SAMD12: variants seen among roughly 807,000 people sequenced by gnomAD.
SAMD12 encodes the protein sterile alpha motif domain-containing protein 12.
SAMD12 carries 9 observed loss-of-function variants against 15.0 expected under a neutral mutation model. The observed-to-expected ratio is 0.60, with a 90% CI of 0.36 to 1.05. The LOEUF (loss-of-function observed/expected upper bound fraction) is 1.05, where lower values mean the gene tolerates loss of function less well. Among genes scored for constraint, SAMD12 ranks in the 50% least tolerant of loss-of-function variants. The pLI, the probability that SAMD12 is intolerant of heterozygous loss-of-function variation, is 0.01. For missense variants in SAMD12, 230 were observed against 234.2 expected (o/e 0.98, Z 0.12); for synonymous variants, 86 against 90.1 (o/e 0.96, Z 0.25).
At chr8:118,395,911 C>A (rs572166714) in intron 3 of SAMD12, among the ~76,000 whole-genome samples, 2 of 145,622 alleles carry the variant, frequency 1.4e-5, no homozygotes, top group African/African-American at 5.2e-5. Context: ...TGAGTAAGAT[C>A]GCAAGAGCAA....
intron 4 of SAMD12, among the ~76,000 whole-genome samples, chr8:118,318,613 T>C (rs993493924): frequency 6.6e-6 from 1 of 152,016 alleles, no homozygotes; most frequent in Non-Finnish European, 1.5e-5. Context: ...TTGGATACAG[T>C]GTAGTCTACT....
At chr8:118,269,817 C>T (rs1025607632) in intron 4 of SAMD12, among the ~76,000 whole-genome samples, 19 of 151,974 alleles carry the variant, frequency 1.3e-4, no homozygotes, top group South Asian at 2.1e-4. Flanking sequence ...ACACCTGCAC[C>T]CCCCTTCCTT....
intron 2 of SAMD12, among the ~76,000 whole-genome samples, chr8:118,554,702 A>G (rs1168529083): frequency 2.0e-5 from 3 of 152,118 alleles, no homozygotes. Flanking sequence ...CTAAAAAAAA[A>G]AAATCTACAA....
At chr8:118,142,654 T>C in the SAMD12 span, among the ~76,000 whole-genome samples, 1 of 152,228 alleles carries the variant, frequency 6.6e-6, no homozygotes, top group Non-Finnish European at 1.5e-5. Flanking sequence ...TACTCCTACA[T>C]TGGCCCTCAC....
chr8:118,225,349 A>G (rs1308391229), intron 4 of SAMD12, among the ~76,000 whole-genome samples: 1 of 152,090 alleles, frequency 6.6e-6, no homozygotes, highest in South Asian at 2.1e-4. Flanking sequence ...CTCTGAATAC[A>G]ATGCTGTTGT....
intron 3 of SAMD12, among the ~76,000 whole-genome samples, chr8:118,399,360 CT>C (rs1224848535): frequency 1.3e-5 from 2 of 152,166 alleles, no homozygotes; most frequent in Admixed American, 6.6e-5. Flanking sequence ...TGTGGTGACA[CT>C]TAGATCCTCC....
intron 4 of SAMD12, among the ~76,000 whole-genome samples, chr8:118,321,046 G>A (rs35812722): frequency 0.48 from 68,479 of 143,146 alleles, 18,305 homozygotes; most frequent in African/African-American, 0.74. Flanking sequence ...CCCTACATTT[G>A]TAATAAAAAG....
At chr8:118,170,919 T>A in the SAMD12 span, among the ~76,000 whole-genome samples, 133 of 152,280 alleles carry the variant, frequency 8.7e-4, no homozygotes, top group African/African-American at 3.1e-3. Flanking sequence ...TATCTGCAAA[T>A]CTTATATCTG....
intron 2 of SAMD12, among the ~76,000 whole-genome samples, chr8:118,510,406 A>G (rs1166258956): frequency 3.9e-5 from 6 of 152,170 alleles, no homozygotes; most frequent in Non-Finnish European, 5.9e-5. Flanking sequence ...CGGGACCACA[A>G]TAATTTTTAA....
Position 118,406,017 on chromosome 8 carries a change from T to C in SAMD12, c.323-26317A>G, listed in dbSNP as rs370408691. Among the ~76,000 whole-genome samples, 89 of 152,202 alleles carry C rather than the reference T, an allele frequency of 5.8e-4. 1 individual carries two copies. Among genetic ancestry groups the C allele is most frequent in the African/African-American group, 2.0e-3 (82 of 41,522 alleles). On this transcript the variant is annotated intron_variant, in intron 3 of 3. Transcript: ENST00000314727. Reference sequence around the variant, plus strand: ...TTTTCCACAGAAGAATACAGCAAGGTTCAATGACAACAGGAGGCTGAGAAA... The same window carrying C: ...TTTTCCACAGAAGAATACAGCAAGGCTCAATGACAACAGGAGGCTGAGAAA...
At chr8:118,328,243 G>T (rs1472729023) in intron 4 of SAMD12, among the ~76,000 whole-genome samples, 1 of 152,022 alleles carries the variant, frequency 6.6e-6, no homozygotes, top group Non-Finnish European at 1.5e-5. Context: ...CCCATCTTGG[G>T]CCTTCCTTAC....
In SAMD12 at chr8:118,447,251, T is replaced by C. The variant is rs1349877306; in HGVS notation, c.193-7290A>G. 2.6e-5 allele frequency among the ~76,000 whole-genome samples: 4 copies of C among 152,148 alleles called. No individual in the cohort carries two copies. In the East Asian group the frequency reaches 7.7e-4, roughly 29 times the overall value. On this transcript the variant is annotated intron_variant, in intron 2 of 3. Coordinates refer to ENST00000314727, the MANE Select transcript of SAMD12 (RefSeq NM_207506.3). ...CTAGATTCCTGCATCTATGTACTAATACAACAAACAGGTCATCCTGTTCTT... is the reference window on the plus strand; with the variant it reads ...CTAGATTCCTGCATCTATGTACTAACACAACAAACAGGTCATCCTGTTCTT...
intron 2 of SAMD12, among the ~76,000 whole-genome samples, chr8:118,485,174 G>C (rs1482297297): frequency 6.6e-6 from 1 of 151,806 alleles, no homozygotes; most frequent in Non-Finnish European, 1.5e-5. Context: ...CTAATATTCT[G>C]TTAGTAAACC....
At chr8:118,157,147 G>A in the SAMD12 span, among the ~76,000 whole-genome samples, 5 of 152,140 alleles carry the variant, frequency 3.3e-5, no homozygotes, top group Admixed American at 6.5e-5. Flanking sequence ...ATTTAATTCA[G>A]GGGTAGCAAT....
At chr8:118,390,895 A>C (rs1820236843) in intron 3 of SAMD12, among the ~76,000 whole-genome samples, 1 of 152,156 alleles carries the variant, frequency 6.6e-6, no homozygotes, top group Admixed American at 6.5e-5. Context: ...TATTTTAGAC[A>C]ATCTATTATT....
At chr8:118,215,111 T>G (rs1190933471) in intron 4 of SAMD12, among the ~76,000 whole-genome samples, 2 of 152,238 alleles carry the variant, frequency 1.3e-5, no homozygotes, top group African/African-American at 4.8e-5. Flanking sequence ...ATCCCTCTAT[T>G]TGAAATGTTA....
intron 4 of SAMD12, among the ~76,000 whole-genome samples, chr8:118,322,338 C>T (rs1816328199): frequency 6.6e-6 from 1 of 152,210 alleles, no homozygotes; most frequent in South Asian, 2.1e-4. Flanking sequence ...TCTGTTGCTG[C>T]ATGCCCACCA....
intron 3 of SAMD12, among the ~76,000 whole-genome samples, chr8:118,419,060 T>C (rs1011378702): frequency 6.6e-6 from 1 of 152,222 alleles, no homozygotes; most frequent in Non-Finnish European, 1.5e-5. Flanking sequence ...CCTAGGACAA[T>C]CTCATTCTTG....
chr8:118,208,746 C>T (rs1819936739), intron 4 of SAMD12, among the ~76,000 whole-genome samples: 1 of 151,994 alleles, frequency 6.6e-6, no homozygotes, highest in African/African-American at 2.4e-5. Flanking sequence ...TGGTGGCTAC[C>T]ATATTTGACA....
Sources: gnomAD v4.1 joint callset for allele counts (sites outside exome capture counted in the v4.1 genomes callset) on GRCh38, gnomAD v4.1.1 for gene constraint, MANE v1.5 for transcripts, NCBI Gene and HGNC (gene_info 2026-07-23, HGNC 2026-07-21) for gene names.